The following ZEB1 variants were observed in gnomAD, a reference collection of about 807,000 sequenced individuals.
ZEB1 encodes the protein zinc finger E-box-binding homeobox 1.
Under a neutral mutation model 84.9 loss-of-function variants are expected in ZEB1, and 21 were observed. The observed-to-expected ratio is 0.25, with a 90% CI of 0.18 to 0.36. ZEB1 has a LOEUF of 0.36. Ranked by LOEUF, ZEB1 falls within the 10% of genes least tolerant of loss-of-function variation. The probability of loss-of-function intolerance (pLI) is 1.00; values close to 1 mark genes in which losing one functional copy is unlikely to be tolerated. For synonymous variants in ZEB1, 420 were observed against 471.1 expected, an observed-to-expected ratio of 0.89 and a Z score of 1.41; for missense variants, 1,104 against 1,330.2, an observed-to-expected ratio of 0.83 and a Z score of 2.65.
chr10:31,481,576 C>A (rs1413291257), intron 2 of ZEB1, among the ~76,000 whole-genome samples: 1 of 151,912 alleles, frequency 6.6e-6, no homozygotes, highest in Non-Finnish European at 1.5e-5. Context: ...GTAATCCCAA[C>A]TACTCGGGAG....
chr10:31,524,455 C>T (rs1384888144), intron 8 of ZEB1, among the ~76,000 whole-genome samples: 1 of 152,066 alleles, frequency 6.6e-6, no homozygotes, highest in Non-Finnish European at 1.5e-5. Context: ...GCCATCTACC[C>T]ACCTCGGCCT....
At chr10:31,495,481 C>A (rs2067089332) in intron 2 of ZEB1, among the ~76,000 whole-genome samples, 1 of 151,990 alleles carries the variant, frequency 6.6e-6, no homozygotes, top group African/African-American at 2.4e-5. Flanking sequence ...TTTTCAAGGA[C>A]ACATTACCAT....
At chr10:31,469,613 C>A (rs2062920113) in intron 2 of ZEB1, among the ~76,000 whole-genome samples, 1 of 152,222 alleles carries the variant, frequency 6.6e-6, no homozygotes, top group Non-Finnish European at 1.5e-5. Context: ...GATCAAACTG[C>A]AAGGCAGCAG....
At chr10:31,388,495 G>A (rs1329052530) in intron 1 of ZEB1, among the ~76,000 whole-genome samples, 2 of 152,058 alleles carry the variant, frequency 1.3e-5, no homozygotes, top group Non-Finnish European at 2.9e-5. Context: ...AAAAATACTT[G>A]TGTGTTTGCT....
chr10:31,376,206 C>T (rs1254245541), intron 1 of ZEB1, among the ~76,000 whole-genome samples: 1 of 151,634 alleles, frequency 6.6e-6, no homozygotes, highest in Admixed American at 6.6e-5. Context: ...GGAATGTAGA[C>T]ATTAAGCAAG....
At chr10:31,355,013 A>G (rs1056840338) in intron 1 of ZEB1, 3 of 152,198 alleles carry the variant, frequency 2.0e-5, no homozygotes, top group Non-Finnish European at 2.9e-5. Context: ...AGTATTTTGT[A>G]TAGTATCTCC....
intron 8 of ZEB1, 92 bp from the exon 9 acceptor site, chr10:31,526,580 C>A (rs921583580): frequency 1.4e-6 from 2 of 1,448,062 alleles, no homozygotes; most frequent in East Asian, 4.8e-5. Flanking sequence ...AATAACCCTC[C>A]CCTTTCTACA....
At chr10:31,336,290 A>G (rs2038036409) in intron 1 of ZEB1, among the ~76,000 whole-genome samples, 1 of 152,194 alleles carries the variant, frequency 6.6e-6, no homozygotes, top group Admixed American at 6.5e-5. Context: ...GGGATTGCCA[A>G]TGAGTGAAAT....
rs188453142 is a variant in ZEB1, at chr10:31,361,737, C to T, written c.58+42445C>T. Among the ~76,000 whole-genome samples, 825 of 151,216 alleles carry T rather than the reference C, an allele frequency of 5.5e-3. 8 individuals are homozygous for T. The highest frequency in any genetic ancestry group is 0.019 in the African/African-American group (781 of 41,108). On this transcript the variant is annotated intron_variant, in intron 1 of 8. Transcript: ENST00000424869. ...AGATGGGACGGTGGCCGGGCAGAGG[C>T]GCTCCTCATTTCCCAGACGGTGAGG...
At chr10:31,350,385 A>G (rs1400542308) in intron 1 of ZEB1, among the ~76,000 whole-genome samples, 1 of 152,176 alleles carries the variant, frequency 6.6e-6, no homozygotes, top group Admixed American at 6.5e-5. Flanking sequence ...CAAGTACCTT[A>G]TCTCTATTCT....
At chr10:31,498,594 G>T (rs950364468) in intron 3 of ZEB1, among the ~76,000 whole-genome samples, 1 of 151,712 alleles carries the variant, frequency 6.6e-6, no homozygotes, top group Non-Finnish European at 1.5e-5. Flanking sequence ...AATTTTATAG[G>T]ATGTAAACAT....
intron 1 of ZEB1, among the ~76,000 whole-genome samples, chr10:31,327,771 A>G (rs1159381279): frequency 6.6e-6 from 1 of 152,188 alleles, no homozygotes; most frequent in Non-Finnish European, 1.5e-5. Flanking sequence ...ACGCTCACCA[A>G]CAATGTAAAA....
Position 31,457,100 on chromosome 10 carries a change from A to G in ZEB1, c.59-3937A>G, listed in dbSNP as rs374413191. Among the ~76,000 whole-genome samples the G allele has an allele frequency of 3.3e-5, 5 of 152,280 alleles. No homozygotes were observed. The South Asian group carries it at 8.3e-4, about 25-fold the overall frequency. ...TATTTTTTACCCTTGCTTTCTTCATATTTTAATTAAAATCAGAATCAAGAT... is the reference window on the plus strand; with the variant it reads ...TATTTTTTACCCTTGCTTTCTTCATGTTTTAATTAAAATCAGAATCAAGAT... On this transcript the variant is annotated intron_variant, in intron 1 of 8. Transcript: ENST00000424869.
chr10:31,446,973 G>A (rs1201560569), intron 1 of ZEB1, among the ~76,000 whole-genome samples: 1 of 151,946 alleles, frequency 6.6e-6, no homozygotes, highest in Non-Finnish European at 1.5e-5. Context: ...TATCCTTGTT[G>A]ACTTTCTGTC....
Position 31,502,483 on chromosome 10 carries a change from C to T in ZEB1, c.458C>T (p.Pro153Leu), listed in dbSNP as rs985446827. 6.2e-7 allele frequency: 1 copy of T among 1,613,848 alleles called. No individual in the cohort carries two copies. Among genetic ancestry groups the T allele is most frequent in the African/African-American group, 1.3e-5 (1 of 74,990 alleles). Residue 153 changes from proline to leucine, a missense_variant, in exon 4 of 9, where the codon CCA becomes CTA. Physicochemically the swap from Pro to Leu is moderately conservative, Grantham distance 98. Around this residue, in one of 7 missense-constraint regions of ZEB1, gnomAD observed 162 missense variants for 184.5 expected, o/e 0.88. Coordinates refer to ENST00000424869, the MANE Select transcript of ZEB1 (RefSeq NM_001174096.2). The stretch of plus-strand genomic sequence containing the variant: ...GAAGAGGACCAGAGGCAGGGCACAC[C>T]AGAAGCCAGTGGTCATGATGAAAAT... The part of the protein sequence containing the change: ...APEEDQRQGT[P>L]EASGHDENGT...
intron 1 of ZEB1, among the ~76,000 whole-genome samples, chr10:31,435,662 T>G (rs570882178): frequency 1.8e-4 from 28 of 152,136 alleles, no homozygotes; most frequent in Non-Finnish European, 3.4e-4. Flanking sequence ...AGAGAAGGCT[T>G]GCCATTTACA....
rs1021394780 is a variant in ZEB1, at chr10:31,528,278, G to T, written c.*1014G>T. On this transcript the variant is annotated 3_prime_UTR_variant, in exon 9 of 9. Transcript: ENST00000424869. Reference sequence around the variant, plus strand: ...ACTTAAAACCACTGACTCTGTCAGAGAAACTGAAACACTGGGACATTTCAT... The same window carrying T: ...ACTTAAAACCACTGACTCTGTCAGATAAACTGAAACACTGGGACATTTCAT... 10 of 152,180 alleles carry T rather than the reference G, an allele frequency of 6.6e-5. No individual in the cohort carries two copies. Among genetic ancestry groups the T allele is most frequent in the Non-Finnish European group, 1.5e-4 (10 of 68,014 alleles). The allele number at this position is 152,180 out of a possible 1,614,324, so 9.4% of individuals were successfully genotyped here. A position where few individuals can be genotyped will look rare whatever the true frequency, so the allele number is the denominator to read the frequency against.
intron 1 of ZEB1, among the ~76,000 whole-genome samples, chr10:31,369,438 C>G (rs1175670861): frequency 1.3e-5 from 2 of 152,144 alleles, no homozygotes; most frequent in African/African-American, 4.8e-5. Context: ...ATTCCACATG[C>G]AAGTGAGATC....
intron 3 of ZEB1, 33 bp from the exon 4 acceptor site, chr10:31,502,315 G>T: frequency 6.2e-7 from 1 of 1,610,170 alleles, no homozygotes; most frequent in Non-Finnish European, 8.5e-7. Flanking sequence ...TTAGTGGTGA[G>T]ATTGCTGTCT....
Sources: gnomAD v4.1 joint callset for allele counts (sites outside exome capture counted in the v4.1 genomes callset) on GRCh38, gnomAD v4.1.1 for gene constraint, gnomAD v4.1.1 regional missense constraint, MANE v1.5 for transcripts, NCBI Gene and HGNC (gene_info 2026-07-23, HGNC 2026-07-21) for gene names.